Variants in RBFOX1 observed in about 807,000 individuals in gnomAD.
RBFOX1 encodes the protein RNA binding protein fox-1 homolog 1.
In RBFOX1, 8 loss-of-function variants were observed where a neutral mutation model predicts 57.7. That is an observed-to-expected ratio of 0.14 (90% CI 0.08 to 0.25). The LOEUF (loss-of-function observed/expected upper bound fraction) is 0.25. RBFOX1 is among the 10% of genes least tolerant of loss of function. The probability of loss-of-function intolerance (pLI) is 1.00; values close to 1 mark genes in which losing one functional copy is unlikely to be tolerated. For missense variants in RBFOX1, 611 were observed against 548.5 expected (o/e 1.11, Z -1.14); for synonymous variants, 326 against 222.4 (o/e 1.47, Z -4.15).
intron 1 of RBFOX1, among the ~76,000 whole-genome samples, chr16:5,433,932 T>C (rs1284447985): frequency 6.6e-6 from 1 of 152,192 alleles, no homozygotes; most frequent in Non-Finnish European, 1.5e-5. Context: ...GTGCAGTCAC[T>C]GTTTCTCAGT....
intron 1 of RBFOX1, among the ~76,000 whole-genome samples, chr16:5,341,314 A>G (rs776248605): frequency 2.0e-5 from 3 of 152,196 alleles, no homozygotes; most frequent in Non-Finnish European, 4.4e-5. Flanking sequence ...ATATTGAGTA[A>G]TACTGGATCC....
At chr16:7,068,590 T>TTAG (rs1226310116) in intron 4 of RBFOX1, among the ~76,000 whole-genome samples, 5 of 152,136 alleles carry the variant, frequency 3.3e-5, no homozygotes, top group African/African-American at 1.2e-4. Context: ...ATTATTATTA[T>TTAG]TATTTATTAT....
intron 2 of RBFOX1, among the ~76,000 whole-genome samples, chr16:6,423,380 C>G (rs547323329): frequency 6.6e-6 from 1 of 152,066 alleles, no homozygotes; most frequent in Non-Finnish European, 1.5e-5. Flanking sequence ...AGGCAGATCA[C>G]CTGAGGTCAG....
At chr16:6,755,077 T>G (rs1057395659) in intron 3 of RBFOX1, among the ~76,000 whole-genome samples, 14 of 152,278 alleles carry the variant, frequency 9.2e-5, no homozygotes, top group African/African-American at 2.2e-4. Flanking sequence ...GTGTATATGT[T>G]GCACATTTTC....
At chr16:7,632,780 T>C (rs2061182934) in intron 11 of RBFOX1, among the ~76,000 whole-genome samples, 2 of 152,304 alleles carry the variant, frequency 1.3e-5, no homozygotes, top group East Asian at 3.9e-4. Flanking sequence ...GAGACACTCA[T>C]TTTTATGTTA....
chr16:6,971,047 G>T (rs2085420751), intron 3 of RBFOX1, among the ~76,000 whole-genome samples: 1 of 152,136 alleles, frequency 6.6e-6, no homozygotes, highest in African/African-American at 2.4e-5. Flanking sequence ...TATCTAATCT[G>T]TCCAAGACAT....
intron 3 of RBFOX1, among the ~76,000 whole-genome samples, chr16:6,690,637 CT>C (rs1463650372): frequency 2.0e-5 from 3 of 151,926 alleles, no homozygotes; most frequent in Non-Finnish European, 2.9e-5. Context: ...TCGTTGGCTG[CT>C]TAGGAATCAT....
chr16:7,015,405 C>T (rs1044764719), intron 3 of RBFOX1, among the ~76,000 whole-genome samples: 39 of 152,050 alleles, frequency 2.6e-4, no homozygotes, highest in Admixed American at 7.9e-4. Flanking sequence ...AAACTTGAGC[C>T]GTATTATAGA....
chr16:7,537,877 T>G (rs193141298), intron 5 of RBFOX1, among the ~76,000 whole-genome samples: 1 of 152,344 alleles, frequency 6.6e-6, no homozygotes, highest in Admixed American at 6.5e-5. Context: ...ACATAATGCA[T>G]GAGGGGAAAT....
intron 2 of RBFOX1, among the ~76,000 whole-genome samples, chr16:6,431,160 C>G (rs886704026): frequency 6.6e-6 from 1 of 151,396 alleles, no homozygotes; most frequent in African/African-American, 2.4e-5. Context: ...TAAAAAGATG[C>G]TACTGCAATG....
At chr16:6,686,621 C>T (rs562634156) in intron 3 of RBFOX1, among the ~76,000 whole-genome samples, 56 of 152,236 alleles carry the variant, frequency 3.7e-4, no homozygotes, top group Non-Finnish European at 6.0e-4. Flanking sequence ...GATAGAGCTT[C>T]CCCCGAAAGC....
chr16:7,459,871 G>A (rs942545717), intron 4 of RBFOX1, among the ~76,000 whole-genome samples: 2 of 151,746 alleles, frequency 1.3e-5, no homozygotes, highest in African/African-American at 4.8e-5. Flanking sequence ...CTACCCACTT[G>A]GTAAAAGTTT....
chr16:5,467,695 A>G (rs967421747), intron 2 of RBFOX1, among the ~76,000 whole-genome samples: 4 of 152,188 alleles, frequency 2.6e-5, no homozygotes, highest in African/African-American at 7.2e-5. Context: ...CCTTAGGGCA[A>G]TGCATTTTTT....
chr16:5,755,904 T>G (rs2053377535), intron 3 of RBFOX1, among the ~76,000 whole-genome samples: 1 of 152,088 alleles, frequency 6.6e-6, no homozygotes, highest in Admixed American at 6.6e-5. Flanking sequence ...GGCCTCTAAT[T>G]CCTTTTGGAG....
chr16:5,243,411 G>C (rs571069275), intron 1 of RBFOX1, among the ~76,000 whole-genome samples: 2 of 152,160 alleles, frequency 1.3e-5, no homozygotes, highest in East Asian at 1.9e-4. Flanking sequence ...GAGCATCCGC[G>C]TTGCAGGTAT....
intron 4 of RBFOX1, among the ~76,000 whole-genome samples, chr16:7,167,551 C>A (rs1345295733): frequency 6.6e-6 from 1 of 152,094 alleles, no homozygotes; most frequent in African/African-American, 2.4e-5. Flanking sequence ...GGGAGTGCGA[C>A]CCCGCCAGTA....
At chr16:7,660,163 T>C (rs1290440631) in intron 12 of RBFOX1, among the ~76,000 whole-genome samples, 1 of 152,182 alleles carries the variant, frequency 6.6e-6, no homozygotes, top group Non-Finnish European at 1.5e-5. Context: ...TAAAGTAAAC[T>C]AATTTTCTGT....
chr16:5,556,555 G>A (rs1011950311), intron 2 of RBFOX1, among the ~76,000 whole-genome samples: 4 of 152,166 alleles, frequency 2.6e-5, no homozygotes, highest in East Asian at 1.9e-4. Context: ...TCTCCAAGAC[G>A]GCTGCCTGAA....
chr16:6,807,690 C>T (rs1189951473), intron 3 of RBFOX1, among the ~76,000 whole-genome samples: 1 of 152,096 alleles, frequency 6.6e-6, no homozygotes, highest in Non-Finnish European at 1.5e-5. Flanking sequence ...GTGGCAGACG[C>T]CTGTAATCGG....
Sources: gnomAD v4.1 joint callset for allele counts (sites outside exome capture counted in the v4.1 genomes callset) on GRCh38, gnomAD v4.1.1 for gene constraint, MANE v1.5 for transcripts, NCBI Gene and HGNC (gene_info 2026-07-23, HGNC 2026-07-21) for gene names.